The following TYW1B variants were observed in gnomAD, a reference collection of about 807,000 sequenced individuals.
TYW1B encodes tRNA-yW synthesizing protein 1 homolog B.
A neutral mutation model predicts 86.9 loss-of-function variants in TYW1B; 73 were observed. That is an observed-to-expected ratio of 0.84 (90% CI 0.70 to 1.02). The LOEUF (loss-of-function observed/expected upper bound fraction) is 1.02, where lower values mean the gene tolerates loss of function less well. TYW1B is among the 50% of genes least tolerant of loss of function. The pLI, the probability that TYW1B is intolerant of heterozygous loss-of-function variation, is 0.00. For missense variants in TYW1B, 637 were observed against 827.4 expected, an observed-to-expected ratio of 0.77 and a Z score of 2.82; for synonymous variants, 248 against 292.8, an observed-to-expected ratio of 0.85 and a Z score of 1.56.
chr7:72,797,050 G>A (rs1293809665), intron 6 of TYW1B, among the ~76,000 whole-genome samples: 5 of 151,438 alleles, frequency 3.3e-5, no homozygotes, highest in Middle Eastern at 3.4e-3. Flanking sequence ...CAGGTGATCC[G>A]CCTGCCTCAG....
At chr7:72,632,397 T>TAAA (rs1563038740) in intron 11 of TYW1B, among the ~76,000 whole-genome samples, 4 of 103,104 alleles carry the variant, frequency 3.9e-5, no homozygotes, top group African/African-American at 1.5e-4. Context: ...CGTATATATA[T>TAAA]ATAATATATA....
chr7:72,596,522 A>T (rs1472270424), intron 13 of TYW1B, among the ~76,000 whole-genome samples: 1 of 152,206 alleles, frequency 6.6e-6, no homozygotes, highest in African/African-American at 2.4e-5. Flanking sequence ...GGGTGCCAAG[A>T]CTACTCAATG....
At chr7:72,825,444 C>T (rs1225266323) in intron 2 of TYW1B, among the ~76,000 whole-genome samples, 5 of 152,102 alleles carry the variant, frequency 3.3e-5, no homozygotes, top group African/African-American at 9.7e-5. Flanking sequence ...TTTGGGAGGC[C>T]GAGGCAGGCG....
At chr7:72,671,915 A>G (rs1231989783) in intron 11 of TYW1B, among the ~76,000 whole-genome samples, 3 of 151,672 alleles carry the variant, frequency 2.0e-5, no homozygotes, top group South Asian at 4.2e-4. Context: ...AAATTCAAGG[A>G]AAGAATAGGA....
chr7:72,720,416 G>A (rs1786873696), intron 9 of TYW1B, among the ~76,000 whole-genome samples: 1 of 152,102 alleles, frequency 6.6e-6, no homozygotes, highest in African/African-American at 2.4e-5. Context: ...TTTCCAGAAA[G>A]CTACAAATAA....
intron 11 of TYW1B, among the ~76,000 whole-genome samples, chr7:72,647,451 G>A (rs1361685136): frequency 1.4e-4 from 21 of 152,146 alleles, no homozygotes; most frequent in African/African-American, 5.1e-4. Context: ...AACTCAAGAT[G>A]ATGACAAGAT....
intron 7 of TYW1B, among the ~76,000 whole-genome samples, chr7:72,772,635 A>C (rs1787887586): frequency 6.6e-6 from 1 of 152,118 alleles, no homozygotes; most frequent in Admixed American, 6.6e-5. Context: ...TTCCTTTTTA[A>C]ACAAACTAGT....
chr7:72,652,092 T>C (rs1390493885), intron 11 of TYW1B, among the ~76,000 whole-genome samples: 4 of 152,060 alleles, frequency 2.6e-5, no homozygotes, highest in Non-Finnish European at 5.9e-5. Flanking sequence ...TTAAAAATGT[T>C]TGGGGCCGGG....
At chr7:72,602,005 T>C (rs1173630218) in intron 13 of TYW1B, among the ~76,000 whole-genome samples, 2 of 152,190 alleles carry the variant, frequency 1.3e-5, no homozygotes, top group Non-Finnish European at 2.9e-5. Context: ...TCAAAATCTA[T>C]AGCATTTTAT....
intron 6 of TYW1B, among the ~76,000 whole-genome samples, chr7:72,787,726 G>A (rs1350893758): frequency 2.6e-5 from 4 of 151,750 alleles, no homozygotes; most frequent in Non-Finnish European, 4.4e-5. Flanking sequence ...AGCCAAGATC[G>A]TGCCACTGCA....
chr7:72,637,246 T>C (rs1812692402), intron 11 of TYW1B, among the ~76,000 whole-genome samples: 2 of 152,024 alleles, frequency 1.3e-5, no homozygotes, highest in Non-Finnish European at 2.9e-5. Context: ...ATTGGTATAA[T>C]TCAACGATGA....
intron 10 of TYW1B, among the ~76,000 whole-genome samples, chr7:72,706,721 G>A (rs1377281913): frequency 3.9e-5 from 6 of 152,188 alleles, no homozygotes; most frequent in African/African-American, 1.4e-4. Context: ...CAAGAGGAGT[G>A]TGGGAAACTG....
rs1449219585 is a variant in TYW1B at position 72,588,614 on chromosome 7, ACT to A, written c.1786-12897_1786-12896del. On this transcript the variant is annotated intron_variant, in intron 13 of 13. Transcript: ENST00000620995. ...TCTACAGGGTCTTAATTATGGCCAG[ACT>A]CTCAGAGCTAATGATCATGGAGATC... Among the ~76,000 whole-genome samples, 3 of 152,036 alleles carry A rather than the reference ACT, an allele frequency of 2.0e-5. No individual in the cohort carries two copies. The East Asian group carries it at 5.8e-4, about 29-fold the overall frequency.
At chr7:72,576,963 C>T (rs1333569331) in intron 13 of TYW1B, among the ~76,000 whole-genome samples, 1 of 151,942 alleles carries the variant, frequency 6.6e-6, no homozygotes, top group Non-Finnish European at 1.5e-5. Flanking sequence ...CCCATCGCTA[C>T]TAAAAATACA....
intron 2 of TYW1B, among the ~76,000 whole-genome samples, chr7:72,818,004 T>C (rs1554479753): frequency 6.6e-6 from 1 of 151,710 alleles, no homozygotes; most frequent in African/African-American, 2.4e-5. Context: ...CTCCAGACTC[T>C]ACTTTCCTAC....
chr7:72,772,006 C>T (rs566227782), intron 7 of TYW1B, among the ~76,000 whole-genome samples: 2 of 151,946 alleles, frequency 1.3e-5, no homozygotes, highest in Admixed American at 6.6e-5. Context: ...TTCACCCTGC[C>T]AGGCTGATTT....
chr7:72,632,449 A>AT (rs1563038973), intron 11 of TYW1B, among the ~76,000 whole-genome samples: 13 of 93,262 alleles, frequency 1.4e-4, no homozygotes, highest in African/African-American at 7.3e-4. Flanking sequence ...TATATATATA[A>AT]AATATATATA....
At chr7:72,623,198 C>T (rs1240902301) in intron 12 of TYW1B, among the ~76,000 whole-genome samples, 3 of 152,156 alleles carry the variant, frequency 2.0e-5, no homozygotes, top group Non-Finnish European at 4.4e-5. Flanking sequence ...CATACACATA[C>T]GTGTGTGTTT....
At chr7:72,774,851 G>GA (rs1270614453) in intron 7 of TYW1B, among the ~76,000 whole-genome samples, 4 of 152,010 alleles carry the variant, frequency 2.6e-5, no homozygotes, top group South Asian at 2.1e-4. Context: ...ATGAATGAGG[G>GA]AAAAAAATCC....
Sources: allele counts gnomAD v4.1 joint callset (sites outside exome capture counted in the v4.1 genomes callset), GRCh38; gene constraint gnomAD v4.1.1; transcripts MANE v1.5; gene names NCBI Gene and HGNC (gene_info 2026-07-23, HGNC 2026-07-21).